The following NEBL variants were observed in gnomAD, a reference collection of about 807,000 sequenced individuals.
NEBL encodes the protein LIM and SH3 protein 2.
NEBL carries 122 observed loss-of-function variants against 140.2 expected under a neutral mutation model. The observed-to-expected ratio is 0.87, with a 90% CI of 0.75 to 1.01. NEBL has a LOEUF of 1.01. Among genes scored for constraint, NEBL ranks in the 50% least tolerant of loss-of-function variants. The pLI, the probability that NEBL is intolerant of heterozygous loss-of-function variation, is 0.00. For missense variants in NEBL, 1,365 were observed against 1,231.3 expected, an observed-to-expected ratio of 1.11 and a Z score of -1.62; for synonymous variants, 436 against 398.9, an observed-to-expected ratio of 1.09 and a Z score of -1.11.
chr10:20,875,200 C>T (rs1588904284), intron 5 of NEBL, among the ~76,000 whole-genome samples: 3 of 152,276 alleles, frequency 2.0e-5, no homozygotes, highest in Admixed American at 2.0e-4. Context: ...AGCTTGTTCT[C>T]TCCTTATAAT....
At position 20,835,522 on chromosome 10, in the gene NEBL, T is replaced by C; in HGVS notation, c.1440A>G (p.Ile480Met). The C allele has an allele frequency of 6.2e-7, 1 of 1,610,646 alleles. No homozygotes were observed. Among genetic ancestry groups the C allele is most frequent in the Non-Finnish European group, 8.5e-7 (1 of 1,178,406 alleles). Residue 480 changes from isoleucine to methionine, a missense_variant, in exon 14 of 28, where the codon ATA becomes ATG. Ile to Met is a conservative substitution (Grantham distance 10). Around this residue, in one of 2 missense-constraint regions of NEBL, gnomAD observed 1,323 missense variants for 1,154.8 expected, o/e 1.15. Transcript: ENST00000377122. ...CACGCACCCTACTAACCTCACTCGC[T>C]ATCTCTGCAGCCTTCTTGGCATGCT... ...EMQHAKKAAE[I>M]ASEKDYKRDL...
chr10:20,871,218 G>A (rs755061803), intron 5 of NEBL, among the ~76,000 whole-genome samples: 2 of 152,120 alleles, frequency 1.3e-5, no homozygotes, highest in Admixed American at 6.5e-5. Context: ...AATGTCACCT[G>A]CAACCTTTCT....
At chr10:21,151,245 A>G (rs889371227) in intron 2 of NEBL, among the ~76,000 whole-genome samples, 2 of 152,236 alleles carry the variant, frequency 1.3e-5, no homozygotes, top group Non-Finnish European at 2.9e-5. Context: ...ACCCTGCTTC[A>G]GTCAACAGTC....
At chr10:21,023,394 C>G (rs10764301) in intron 2 of NEBL, among the ~76,000 whole-genome samples, 40,067 of 151,978 alleles carry the variant, frequency 0.26, 9,773 homozygotes, top group African/African-American at 0.63. Flanking sequence ...TGCCATTTAC[C>G]TTTAATTTAA....
chr10:21,174,839 C>T (rs1213004162), upstream of NEBL: 2 of 152,258 alleles, frequency 1.3e-5, no homozygotes, highest in East Asian at 1.9e-4. Context: ...CTTTTTAATA[C>T]CTGTCCTTGC....
intron 3 of NEBL, among the ~76,000 whole-genome samples, chr10:20,978,913 T>C (rs11012443): frequency 0.11 from 16,729 of 152,004 alleles, 2,035 homozygotes; most frequent in East Asian, 0.39. Flanking sequence ...CACAGTGAAA[T>C]CTGCAATCTA....
At chr10:20,952,875 A>T (rs1835551888) in intron 4 of NEBL, among the ~76,000 whole-genome samples, 1 of 136,172 alleles carries the variant, frequency 7.3e-6, no homozygotes, top group Non-Finnish European at 1.5e-5. Flanking sequence ...GCTGTACTCC[A>T]GCCTGGGTGA....
intron 1 of NEBL, among the ~76,000 whole-genome samples, chr10:21,286,201 T>A (rs568996395): frequency 3.9e-5 from 6 of 152,326 alleles, no homozygotes; most frequent in African/African-American, 1.4e-4. Flanking sequence ...GTCTAATAAG[T>A]TATACATGTC....
intron 3 of NEBL, among the ~76,000 whole-genome samples, chr10:20,986,960 C>A (rs1426877249): frequency 6.6e-6 from 1 of 152,120 alleles, no homozygotes; most frequent in African/African-American, 2.4e-5. Flanking sequence ...AAAATGTTAT[C>A]GACTTACTAT....
intron 13 of NEBL, 72 bp downstream of exon 13, chr10:20,840,667 T>C (rs1841327476): frequency 1.9e-6 from 2 of 1,034,412 alleles, no homozygotes; most frequent in Non-Finnish European, 3.0e-6. Flanking sequence ...TATAGAACCT[T>C]TGAGAAAGAT....
chr10:21,180,124 G>A (rs1196172077), intron 3 of NEBL, among the ~76,000 whole-genome samples: 1 of 151,678 alleles, frequency 6.6e-6, no homozygotes, highest in African/African-American at 2.4e-5. Context: ...GTAACAGAGT[G>A]AGACTCGGTC....
chr10:21,219,503 G>A (rs1052724261), intron 3 of NEBL, among the ~76,000 whole-genome samples: 2 of 152,046 alleles, frequency 1.3e-5, no homozygotes, highest in Non-Finnish European at 2.9e-5. Flanking sequence ...ATGCTGTTTT[G>A]ATTACTATAA....
At chr10:21,188,579 A>G (rs1841516782) in intron 3 of NEBL, among the ~76,000 whole-genome samples, 1 of 151,258 alleles carries the variant, frequency 6.6e-6, no homozygotes. Flanking sequence ...TAAACATGCA[A>G]TTGGATATAT....
intron 2 of NEBL, among the ~76,000 whole-genome samples, chr10:21,112,043 C>A (rs1489036960): frequency 6.6e-6 from 1 of 152,184 alleles, no homozygotes; most frequent in Non-Finnish European, 1.5e-5. Flanking sequence ...CAATGAGATA[C>A]CATCTCACGC....
intron 10 of NEBL, 63 bp from the exon 11 acceptor site, chr10:20,850,565 G>A: frequency 9.5e-7 from 1 of 1,058,170 alleles, no homozygotes; most frequent in Admixed American, 1.8e-5. Flanking sequence ...AGCAAACTAA[G>A]AAAAAATATA....
chr10:21,019,836 C>G (rs1039330763), intron 3 of NEBL, among the ~76,000 whole-genome samples: 2 of 152,134 alleles, frequency 1.3e-5, no homozygotes, highest in Non-Finnish European at 2.9e-5. Flanking sequence ...TATTTAGGAC[C>G]AAATAAGTCA....
intron 2 of NEBL, among the ~76,000 whole-genome samples, chr10:21,129,496 A>T (rs938807515): frequency 2.0e-5 from 3 of 151,932 alleles, no homozygotes; most frequent in African/African-American, 7.2e-5. Flanking sequence ...ATATAGAGAT[A>T]TTTTACATAT....
At chr10:20,976,160 C>A (rs919989843) in intron 3 of NEBL, among the ~76,000 whole-genome samples, 3 of 151,538 alleles carry the variant, frequency 2.0e-5, no homozygotes, top group Admixed American at 1.3e-4. Context: ...CATGGTGAAA[C>A]CCCATCTCTA....
chr10:20,936,877 C>T (rs1470044852), intron 4 of NEBL, among the ~76,000 whole-genome samples: 4 of 152,190 alleles, frequency 2.6e-5, no homozygotes, highest in Non-Finnish European at 4.4e-5. Context: ...GCAACATAAA[C>T]ACTAGCTCAT....
Sources: gnomAD v4.1 joint callset for allele counts (sites outside exome capture counted in the v4.1 genomes callset) on GRCh38, gnomAD v4.1.1 for gene constraint, gnomAD v4.1.1 regional missense constraint, MANE v1.5 for transcripts, NCBI Gene and HGNC (gene_info 2026-07-23, HGNC 2026-07-21) for gene names.